MED17: variants seen among roughly 807,000 people sequenced by gnomAD.
MED17 encodes mediator complex subunit 17, also known as mediator of RNA polymerase II transcription subunit 17.
Under a neutral mutation model 80.8 loss-of-function variants are expected in MED17, and 49 were observed. The ratio of observed to expected loss-of-function variants is 0.61; its 90% CI spans 0.48 to 0.77. The LOEUF is 0.77. Among genes scored for constraint, MED17 ranks in the 30% least tolerant of loss-of-function variants. The probability of loss-of-function intolerance (pLI) is 0.00; values close to 1 mark genes in which losing one functional copy is unlikely to be tolerated. For synonymous variants in MED17, 281 were observed against 280.4 expected, an observed-to-expected ratio of 1.00 and a Z score of -0.02; for missense variants, 718 against 787.0, an observed-to-expected ratio of 0.91 and a Z score of 1.05.
chr11:93,800,048 G>T (rs1339745351), intron 8 of MED17, among the ~76,000 whole-genome samples: 1 of 152,072 alleles, frequency 6.6e-6, no homozygotes, highest in African/African-American at 2.4e-5. Context: ...AATACTTCAT[G>T]ATTTCTTTTC....
At position 93,784,679 on chromosome 11, in the gene MED17, G is replaced by C. The variant is rs1943749357; in HGVS notation, c.166G>C (p.Glu56Gln). 1 of 1,555,218 alleles carries C rather than the reference G, an allele frequency of 6.4e-7. No individual in the cohort carries two copies. The highest frequency in any genetic ancestry group is 1.4e-5 in the African/African-American group (1 of 73,914). ...RIDFSQGSGS[E>Q]EEEAAGTEGD... ...AGACTTCAGCCAGGGTTCGGGCTCC[G>C]AGGAGGAGGAGGCGGCGGGGACCGA... The change falls in exon 1 of 12, where the codon GAG becomes CAG. Residue 56 changes from glutamate to glutamine, a missense_variant. Physicochemically the swap from Glu to Gln is conservative, Grantham distance 29. Transcript: ENST00000251871.
In MED17 at chr11:93,784,292, C is replaced by T. The variant is rs1414130652; in HGVS notation, c.-222C>T. ...CTTCCGCGCCTGCCCAGTTTTGCTC[C>T]GAAAGACTTACCGAGGAGGGAGCTT... On this transcript the variant is annotated 5_prime_UTR_variant, in exon 1 of 12. Transcript: ENST00000251871. 7 of 621,832 alleles carry T rather than the reference C, an allele frequency of 1.1e-5. No individual in the cohort carries two copies. In the East Asian group the frequency reaches 1.5e-4, roughly 13 times the overall value. The allele number at this position is 621,832 out of a possible 1,614,324, so 38.5% of individuals were successfully genotyped here.
rs1162247344 is a variant in MED17, at chr11:93,793,990, G to A, written c.814G>A (p.Gly272Ser). The A allele has an allele frequency of 1.2e-6, 2 of 1,613,770 alleles. No homozygotes were observed. The highest frequency in any genetic ancestry group is 1.1e-5 in the South Asian group (1 of 91,032). Residue 272 changes from glycine to serine, a missense_variant, in exon 5 of 12, where the codon GGC (glycine) becomes AGC (serine). Physicochemically the swap from Gly to Ser is moderately conservative, Grantham distance 56 (BLOSUM62 0). Transcript: ENST00000251871. ...QKQAPDIGDL[G>S]TVNLFKRPLP... ...ACAGGCTCCAGATATAGGTGACCTC[G>A]GCACAGTTAACCTCTTCAAACGACC...
chr11:93,801,666 T>A, intron 8 of MED17, 169 bp from the exon 9 acceptor site: 1 of 626,450 alleles, frequency 1.6e-6, no homozygotes, highest in Non-Finnish European at 2.8e-6. Flanking sequence ...TCAAGCAGTA[T>A]GAAAGGGTTC....
intron 7 of MED17, 31 bp downstream of exon 7, chr11:93,796,571 T>C (rs1258856685): frequency 6.2e-7 from 1 of 1,612,438 alleles, no homozygotes; most frequent in Non-Finnish European, 8.5e-7. Flanking sequence ...CTTTGCGCTG[T>C]GGTGAGTATG....
At chr11:93,790,261 A>T (rs1452568767) in intron 2 of MED17, 1 of 477,264 alleles carries the variant, frequency 2.1e-6, no homozygotes, top group East Asian at 5.8e-5. Flanking sequence ...TATGTACAGG[A>T]TAGGGGGCTG....
rs950149705 is a variant in MED17, at chr11:93,812,929, C to G, written c.*865C>G. The G allele has an allele frequency of 2.0e-5, 3 of 152,250 alleles. No individual in the cohort carries two copies. Among genetic ancestry groups the G allele is most frequent in the African/African-American group, 7.2e-5 (3 of 41,424 alleles). 9.4% of individuals were successfully genotyped at this position (152,250 alleles called of 1,614,324 possible). On this transcript the variant is annotated 3_prime_UTR_variant, in exon 12 of 12. Transcript: ENST00000251871. ...TGATTGACCTCACCAGTTGAGACAC[C>G]TAGTGTATGGCTCATGCCCAGCCTT...
At chr11:93,788,274 C>A in intron 2 of MED17, 107 bp downstream of exon 2, 1 of 934,428 alleles carries the variant, frequency 1.1e-6, no homozygotes, top group African/African-American at 1.7e-5. Context: ...AAAATTAAGT[C>A]CAGATGAAGA....
chr11:93,801,216 A>G (rs555166715), intron 8 of MED17: 8 of 152,478 alleles, frequency 5.2e-5, no homozygotes, highest in Admixed American at 2.0e-4. Context: ...AATAAGGTTA[A>G]GATTAAATGA....
At chr11:93,810,166 A>G in intron 11 of MED17, 1 of 390,614 alleles carries the variant, frequency 2.6e-6, no homozygotes, top group African/African-American at 2.1e-5. Context: ...ATGGATAAAA[A>G]CTTTAAAAAA....
At chr11:93,795,193 C>T in intron 6 of MED17, 133 bp downstream of exon 6, 1 of 984,420 alleles carries the variant, frequency 1.0e-6, no homozygotes, top group Non-Finnish European at 1.6e-6. Flanking sequence ...ATAGTGACAG[C>T]CAGTAAAGCA....
At chr11:93,801,310 T>A (rs1392763810) in intron 8 of MED17, 2 of 156,468 alleles carry the variant, frequency 1.3e-5, no homozygotes, top group Non-Finnish European at 2.8e-5. Context: ...TAAATCTTAT[T>A]TCTCATTGGT....
At chr11:93,807,201 C>T (rs1944035092) in intron 9 of MED17, 2 of 289,776 alleles carry the variant, frequency 6.9e-6, no homozygotes, top group Non-Finnish European at 1.3e-5. Context: ...CACTTCAGGT[C>T]AGGAGTTTGA....
Position 93,794,624 on chromosome 11 carries a change from A to T in MED17, c.860-284A>T, listed in dbSNP as rs77291692. 2,813 of 484,326 alleles carry T rather than the reference A, an allele frequency of 5.8e-3. 71 individuals are homozygous for T. The highest frequency in any genetic ancestry group is 0.05 in the African/African-American group (2,579 of 51,588). 30.0% of individuals were successfully genotyped at this position (484,326 alleles called of 1,614,324 possible). On this transcript the variant is annotated intron_variant, in intron 5 of 11. Transcript: ENST00000251871. ...CCCAGTGAGGTTTATCTGTGGCATG[A>T]TTATTGCTAATTGATACTTCCCTCT... is the stretch of plus-strand genomic sequence containing the variant.
At chr11:93,808,938 T>C (rs1944058250) in intron 10 of MED17, 1 of 152,930 alleles carries the variant, frequency 6.5e-6, no homozygotes, top group Admixed American at 6.5e-5. Context: ...AAATGCATTC[T>C]AAATTGCCCC....
At chr11:93,786,396 C>T (rs1370251081) in intron 1 of MED17, among the ~76,000 whole-genome samples, 1 of 151,998 alleles carries the variant, frequency 6.6e-6, no homozygotes, top group Admixed American at 6.6e-5. Flanking sequence ...GGAATGTGAA[C>T]TGGTAGTGAT....
At chr11:93,798,040 T>C (rs1943922978) in intron 8 of MED17, among the ~76,000 whole-genome samples, 1 of 152,224 alleles carries the variant, frequency 6.6e-6, no homozygotes, top group Admixed American at 6.5e-5. Flanking sequence ...TTACATCTTT[T>C]TCTTGAGGGT....
intron 11 of MED17, chr11:93,811,074 T>C (rs1479049139): frequency 6.6e-6 from 1 of 152,360 alleles, no homozygotes; most frequent in Non-Finnish European, 1.5e-5. Flanking sequence ...ACTGAAATGT[T>C]ACGCAGCTCA....
chr11:93,793,685 A>G, intron 3 of MED17, 43 bp from the exon 4 acceptor site: 1 of 1,353,006 alleles, frequency 7.4e-7, no homozygotes, highest in South Asian at 1.2e-5. Flanking sequence ...TCGGAATAAT[A>G]TGTTAACTGT....
Sources: gnomAD v4.1 joint callset for allele counts (sites outside exome capture counted in the v4.1 genomes callset) on GRCh38, gnomAD v4.1.1 for gene constraint, MANE v1.5 for transcripts, NCBI Gene and HGNC (gene_info 2026-07-23, HGNC 2026-07-21) for gene names.